The following PTPRD variants were observed in gnomAD, a reference collection of about 807,000 sequenced individuals.
PTPRD encodes the protein protein tyrosine phosphatase receptor type D.
In PTPRD, 34 loss-of-function variants were observed where a neutral mutation model predicts 214.5. The observed-to-expected ratio is 0.16, with a 90% CI of 0.12 to 0.21. The LOEUF (loss-of-function observed/expected upper bound fraction) is 0.21, where lower values mean the gene tolerates loss of function less well. PTPRD is among the 10% of genes least tolerant of loss of function. The probability of loss-of-function intolerance (pLI) is 1.00; values close to 1 mark genes in which losing one functional copy is unlikely to be tolerated. For synonymous variants in PTPRD, 1,128 were observed against 845.7 expected, an observed-to-expected ratio of 1.33 and a Z score of -5.79; for missense variants, 2,545 against 2,398.7, an observed-to-expected ratio of 1.06 and a Z score of -1.27.
chr9:8,869,184 A>G (rs192723203), intron 11 of PTPRD, among the ~76,000 whole-genome samples: 11 of 152,302 alleles, frequency 7.2e-5, no homozygotes, highest in Non-Finnish European at 1.6e-4. Flanking sequence ...ATCAGGAACA[A>G]CAAAACTACT....
intron 14 of PTPRD, among the ~76,000 whole-genome samples, chr9:8,583,811 T>C (rs1325859741): frequency 1.3e-5 from 2 of 152,204 alleles, no homozygotes; most frequent in Non-Finnish European, 2.9e-5. Context: ...ATTTAACAGA[T>C]GTTTGTTCAT....
intron 14 of PTPRD, among the ~76,000 whole-genome samples, chr9:8,600,405 T>G (rs1017962634): frequency 6.6e-6 from 1 of 152,078 alleles, no homozygotes; most frequent in Non-Finnish European, 1.5e-5. Context: ...TGGAGGGGCA[T>G]GTAACCTACT....
chr9:9,833,568 C>A (rs926711771), intron 5 of PTPRD, among the ~76,000 whole-genome samples: 3 of 148,392 alleles, frequency 2.0e-5, no homozygotes, highest in African/African-American at 7.6e-5. Context: ...ACCGGTCTGA[C>A]CAAAATTTAT....
At chr9:9,686,060 G>A (rs1282343208) in intron 7 of PTPRD, among the ~76,000 whole-genome samples, 3 of 151,386 alleles carry the variant, frequency 2.0e-5, no homozygotes, top group African/African-American at 7.3e-5. Context: ...ATTTAAGGCA[G>A]AAATATATAT....
chr9:9,500,516 T>C (rs984518802), intron 8 of PTPRD, among the ~76,000 whole-genome samples: 1 of 152,056 alleles, frequency 6.6e-6, no homozygotes, highest in Non-Finnish European at 1.5e-5. Flanking sequence ...CTGGATTTGG[T>C]TGGATAGGGT....
At chr9:8,644,747 C>A (rs533306749) in intron 12 of PTPRD, among the ~76,000 whole-genome samples, 1 of 152,332 alleles carries the variant, frequency 6.6e-6, no homozygotes, top group Admixed American at 6.5e-5. Flanking sequence ...CCGCCCACCC[C>A]GTGGCAGCGG....
chr9:8,839,865 G>C (rs1370557051), intron 11 of PTPRD, among the ~76,000 whole-genome samples: 1 of 152,130 alleles, frequency 6.6e-6, no homozygotes, highest in African/African-American at 2.4e-5. Flanking sequence ...CAGCAGTTAT[G>C]ATGAGGCAAG....
intron 33 of PTPRD, 53 bp from the exon 34 acceptor site, chr9:8,449,890 A>G (rs903477937): frequency 1.3e-6 from 2 of 1,569,708 alleles, no homozygotes; most frequent in Non-Finnish European, 1.7e-6. Context: ...ATTGAAACAG[A>G]TAGAAAAGCA....
chr9:8,720,650 C>A (rs775516174), intron 12 of PTPRD, among the ~76,000 whole-genome samples: 13 of 151,940 alleles, frequency 8.6e-5, no homozygotes, highest in Admixed American at 3.9e-4. Flanking sequence ...TAGTGAAACA[C>A]TAGTCACACA....
intron 7 of PTPRD, among the ~76,000 whole-genome samples, chr9:9,595,332 A>T (rs930109893): frequency 6.3e-5 from 5 of 79,766 alleles, no homozygotes; most frequent in African/African-American, 1.2e-4. Context: ...TTATATATAT[A>T]ATATATATTG....
At chr9:9,590,647 G>C (rs1230945408) in intron 7 of PTPRD, among the ~76,000 whole-genome samples, 1 of 151,594 alleles carries the variant, frequency 6.6e-6, no homozygotes, top group Non-Finnish European at 1.5e-5. Context: ...GATAACACTT[G>C]TCTTTTTCAT....
intron 5 of PTPRD, among the ~76,000 whole-genome samples, chr9:9,779,530 T>G (rs898790920): frequency 6.6e-6 from 1 of 151,920 alleles, no homozygotes; most frequent in African/African-American, 2.4e-5. Context: ...TAACTTTATT[T>G]AAAAAAATGG....
At chr9:9,999,730 T>C (rs1397070691) in intron 4 of PTPRD, among the ~76,000 whole-genome samples, 1 of 152,196 alleles carries the variant, frequency 6.6e-6, no homozygotes, top group African/African-American at 2.4e-5. Flanking sequence ...GGATAAGTAG[T>C]TACAGGAAAG....
chr9:9,667,546 C>T (rs546498205), intron 7 of PTPRD, among the ~76,000 whole-genome samples: 3 of 152,228 alleles, frequency 2.0e-5, no homozygotes, highest in African/African-American at 7.2e-5. Context: ...GTAGCATTTT[C>T]TACCCCTTAG....
intron 10 of PTPRD, among the ~76,000 whole-genome samples, chr9:9,092,848 T>C: frequency 2.0e-5 from 3 of 152,200 alleles, no homozygotes; most frequent in Middle Eastern, 3.4e-3. Flanking sequence ...AATTTCATCA[T>C]GTGTAAATGT....
At chr9:8,619,269 C>T (rs1472771746) in intron 14 of PTPRD, among the ~76,000 whole-genome samples, 2 of 151,946 alleles carry the variant, frequency 1.3e-5, no homozygotes, top group Non-Finnish European at 2.9e-5. Context: ...ACTATAGTCA[C>T]CATGTTCTAC....
At chr9:9,630,750 A>C (rs2095564889) in intron 7 of PTPRD, among the ~76,000 whole-genome samples, 1 of 152,120 alleles carries the variant, frequency 6.6e-6, no homozygotes, top group African/African-American at 2.4e-5. Context: ...TCACATATTA[A>C]ATTTTATTAC....
At chr9:9,175,213 A>G (rs1211631066) in intron 10 of PTPRD, among the ~76,000 whole-genome samples, 1 of 152,164 alleles carries the variant, frequency 6.6e-6, no homozygotes, top group Non-Finnish European at 1.5e-5. Flanking sequence ...ATTTTTCTAA[A>G]ACGTTGTCTT....
At chr9:9,876,334 T>C (rs2066861436) in intron 5 of PTPRD, among the ~76,000 whole-genome samples, 1 of 152,148 alleles carries the variant, frequency 6.6e-6, no homozygotes, top group Non-Finnish European at 1.5e-5. Context: ...TTAGGAAAAA[T>C]ACTTTGAAAG....
Sources: gnomAD v4.1 joint callset for allele counts (sites outside exome capture counted in the v4.1 genomes callset) on GRCh38, gnomAD v4.1.1 for gene constraint, MANE v1.5 for transcripts, NCBI Gene and HGNC (gene_info 2026-07-23, HGNC 2026-07-21) for gene names.